PCDH11X: variants seen among roughly 807,000 people sequenced by gnomAD.
PCDH11X encodes protocadherin-11 X-linked.
PCDH11X carries 18 observed loss-of-function variants against 53.3 expected under a neutral mutation model. The observed-to-expected ratio is 0.34, with a 90% CI of 0.23 to 0.50. The LOEUF (loss-of-function observed/expected upper bound fraction) is 0.50. Among genes scored for constraint, PCDH11X ranks in the 20% least tolerant of loss-of-function variants. The pLI is 0.98. For synonymous variants in PCDH11X, 279 were observed against 393.3 expected (o/e 0.71, Z 3.44); for missense variants, 570 against 1,032.4 (o/e 0.55, Z 6.14).
chrX:91,824,711 C>T (rs1389392647), intron 4 of PCDH11X, among the ~76,000 whole-genome samples: 1 of 107,880 alleles, frequency 9.3e-6, no homozygotes, highest in Non-Finnish European at 1.9e-5. Flanking sequence ...TGTTCCGTTG[C>T]TGGTGAAGAG....
chrX:92,077,648 GGA>G, intron 6 of PCDH11X, among the ~76,000 whole-genome samples: 1 of 106,651 alleles, frequency 9.4e-6, no homozygotes, highest in Non-Finnish European at 1.9e-5. Flanking sequence ...AAGGAAGGAA[GGA>G]AGGAAGGAAG....
rs770946775 is a variant in PCDH11X at position 92,496,479 on chromosome X, A to G, written c.3367+28157A>G. Among the ~76,000 whole-genome samples the G allele has an allele frequency of 2.8e-5, 3 of 106,804 alleles. No homozygotes were observed. In the East Asian group the frequency reaches 8.7e-4, roughly 31 times the overall value. The allele number at this position is 106,804 out of a possible 115,157, so 92.7% of individuals were successfully genotyped here. On this transcript the variant is annotated intron_variant, in intron 10 of 10. Transcript: ENST00000682573. The stretch of plus-strand genomic sequence containing the variant: ...GTTTTAGAGCATCGATTAGTAAGCT[A>G]CAGGTGTATCATTCCTAGCAGCTAG...
intron 6 of PCDH11X, among the ~76,000 whole-genome samples, chrX:91,926,115 T>C (rs868523228): frequency 1.1e-3 from 75 of 70,876 alleles, no homozygotes; most frequent in Non-Finnish European, 1.6e-3. Flanking sequence ...CACACACACA[T>C]ATATATATAG....
chrX:91,898,674 T>G (rs1940842022), intron 6 of PCDH11X, among the ~76,000 whole-genome samples: 1 of 96,241 alleles, frequency 1.0e-5, no homozygotes. Context: ...GGTGATGAGT[T>G]TTAATCTCCT....
At chrX:91,856,560 C>T (rs1442775920) in intron 5 of PCDH11X, among the ~76,000 whole-genome samples, 2 of 109,801 alleles carry the variant, frequency 1.8e-5, no homozygotes, top group Non-Finnish European at 3.8e-5. Flanking sequence ...ATCAACCCAT[C>T]ATGTAGGTAT....
chrX:92,234,196 T>C (rs1031040973), intron 7 of PCDH11X, among the ~76,000 whole-genome samples: 1 of 112,483 alleles, frequency 8.9e-6, no homozygotes, highest in Non-Finnish European at 1.9e-5. Context: ...TAGCTTAATC[T>C]TCATCTTTGC....
At chrX:92,534,753 C>T in intron 10 of PCDH11X, among the ~76,000 whole-genome samples, 1 of 111,562 alleles carries the variant, frequency 9.0e-6, no homozygotes, top group Non-Finnish European at 1.9e-5. Context: ...CAATATTCAA[C>T]ATTCTTAAAA....
chrX:92,036,483 T>G (rs1449398650), intron 6 of PCDH11X, among the ~76,000 whole-genome samples: 1 of 109,328 alleles, frequency 9.1e-6, no homozygotes, highest in South Asian at 4.0e-4. Flanking sequence ...AAATGGGAGT[T>G]TGCCTGCACA....
chrX:92,182,307 C>A (rs749860725), intron 6 of PCDH11X, among the ~76,000 whole-genome samples: 1 of 111,871 alleles, frequency 8.9e-6, no homozygotes, highest in Non-Finnish European at 1.9e-5. Context: ...TGCCTATACC[C>A]CCATTGTATT....
At chrX:92,519,163 C>T (rs1336134751) in intron 10 of PCDH11X, among the ~76,000 whole-genome samples, 1 of 110,488 alleles carries the variant, frequency 9.1e-6, no homozygotes, top group Admixed American at 9.8e-5. Context: ...ATACATTACA[C>T]ACGCCTAGTG....
intron 9 of PCDH11X, among the ~76,000 whole-genome samples, chrX:92,407,805 C>G (rs6619009): frequency 2.7e-5 from 3 of 110,891 alleles, no homozygotes; most frequent in Non-Finnish European, 5.7e-5. Context: ...TATAATCCCA[C>G]TAAGTGTGTA....
intron 8 of PCDH11X, among the ~76,000 whole-genome samples, chrX:92,383,965 T>G (rs372673320): frequency 8.9e-6 from 1 of 111,952 alleles, no homozygotes; most frequent in East Asian, 2.8e-4. Flanking sequence ...GTTCCTATTT[T>G]TCCACATCCT....
intron 6 of PCDH11X, among the ~76,000 whole-genome samples, chrX:92,181,615 C>T (rs1346630189): frequency 2.7e-5 from 3 of 111,824 alleles, no homozygotes; most frequent in Admixed American, 1.9e-4. Context: ...GCCCAGAGTC[C>T]CTCTGCTATG....
At chrX:92,270,753 C>A (rs1297846635) in intron 8 of PCDH11X, among the ~76,000 whole-genome samples, 2 of 111,970 alleles carry the variant, frequency 1.8e-5, no homozygotes, top group African/African-American at 6.5e-5. Flanking sequence ...CAGCAGTTTA[C>A]CTAAGATAAG....
chrX:92,176,198 G>A (rs1428703195), intron 6 of PCDH11X, among the ~76,000 whole-genome samples: 1 of 111,648 alleles, frequency 9.0e-6, no homozygotes. Flanking sequence ...TTACTTCTCA[G>A]ATAGGATCTT....
intron 9 of PCDH11X, among the ~76,000 whole-genome samples, chrX:92,423,735 G>A (rs1195502961): frequency 1.0e-5 from 1 of 96,160 alleles, no homozygotes; most frequent in East Asian, 3.0e-4. Context: ...AGTACCATTT[G>A]TTGAATAGGG....
At chrX:92,106,868 A>G (rs2064395488) in intron 6 of PCDH11X, among the ~76,000 whole-genome samples, 2 of 111,561 alleles carry the variant, frequency 1.8e-5, no homozygotes, top group Admixed American at 9.6e-5. Flanking sequence ...AGTTCAGGAC[A>G]TGACAGAAGA....
intron 6 of PCDH11X, among the ~76,000 whole-genome samples, chrX:92,184,008 C>T (rs1001296951): frequency 3.6e-5 from 4 of 111,074 alleles, no homozygotes; most frequent in Non-Finnish European, 7.5e-5. Context: ...TTGCCTTTTA[C>T]ATTCCATTAG....
chrX:92,134,074 T>C (rs2065041560), intron 6 of PCDH11X, among the ~76,000 whole-genome samples: 1 of 111,685 alleles, frequency 9.0e-6, no homozygotes, highest in African/African-American at 3.3e-5. Flanking sequence ...CTTTTGAGTT[T>C]CTGATTAGCA....
Sources: allele counts gnomAD v4.1 joint callset (sites outside exome capture counted in the v4.1 genomes callset), GRCh38; gene constraint gnomAD v4.1.1; transcripts MANE v1.5; gene names NCBI Gene and HGNC (gene_info 2026-07-23, HGNC 2026-07-21).